POU6F2: variants seen among roughly 807,000 people sequenced by gnomAD.
POU6F2 encodes the protein POU class 6 homeobox 2, also known as POU domain, class 6, transcription factor 2.
A neutral mutation model predicts 71.3 loss-of-function variants in POU6F2; 31 were observed. The observed-to-expected ratio is 0.43, with a 90% CI of 0.33 to 0.59. The LOEUF is 0.59. Ranked by LOEUF, POU6F2 falls within the 20% of genes least tolerant of loss-of-function variation. POU6F2 has a pLI of 0.04. For synonymous variants in POU6F2, 347 were observed against 355.7 expected (o/e 0.98, Z 0.27); for missense variants, 783 against 856.8 (o/e 0.91, Z 1.07).
intron 1 of POU6F2, among the ~76,000 whole-genome samples, chr7:39,017,469 C>A (rs945304227): frequency 1.3e-5 from 2 of 152,206 alleles, no homozygotes; most frequent in South Asian, 4.2e-4. Flanking sequence ...TGCCCATGAC[C>A]TATTGTCAAC....
At chr7:39,315,187 G>T (rs1017761183) in intron 4 of POU6F2, among the ~76,000 whole-genome samples, 41 of 152,312 alleles carry the variant, frequency 2.7e-4, no homozygotes, top group Non-Finnish European at 3.8e-4. Context: ...AGAAAGCCTT[G>T]CTACTCTAAT....
chr7:39,074,954 G>A (rs771711732), intron 1 of POU6F2, among the ~76,000 whole-genome samples: 17 of 152,046 alleles, frequency 1.1e-4, no homozygotes, highest in Admixed American at 4.6e-4. Flanking sequence ...TTTTCCTCTC[G>A]GGAAAATGAA....
chr7:39,279,175 C>A (rs1784515309), intron 4 of POU6F2, among the ~76,000 whole-genome samples: 1 of 152,130 alleles, frequency 6.6e-6, no homozygotes, highest in Non-Finnish European at 1.5e-5. Flanking sequence ...ACTCCAGTCA[C>A]TCAGAACTTC....
intron 2 of POU6F2, among the ~76,000 whole-genome samples, chr7:39,094,201 G>A (rs771500731): frequency 1.3e-5 from 2 of 152,160 alleles, no homozygotes; most frequent in East Asian, 1.9e-4. Flanking sequence ...TACTGAGCAC[G>A]GGAGACAAGA....
At chr7:39,040,756 C>A (rs1405166365) in intron 1 of POU6F2, among the ~76,000 whole-genome samples, 1 of 151,852 alleles carries the variant, frequency 6.6e-6, no homozygotes, top group African/African-American at 2.4e-5. Flanking sequence ...CAATAATCTT[C>A]AATGAAACAA....
chr7:38,979,328 A>G (rs969535161), intron 1 of POU6F2, among the ~76,000 whole-genome samples: 1 of 152,230 alleles, frequency 6.6e-6, no homozygotes, highest in Non-Finnish European at 1.5e-5. Flanking sequence ...ACAAAATTAT[A>G]GAAAAGCACT....
intron 4 of POU6F2, 69 bp downstream of exon 4, chr7:39,207,689 A>C (rs1794050557): frequency 2.1e-6 from 3 of 1,409,702 alleles, no homozygotes; most frequent in Non-Finnish European, 2.9e-6. Flanking sequence ...AGTGGGCAAA[A>C]AAAAATGTGC....
In POU6F2 at chr7:39,397,392, C is replaced by G. The variant is rs146317245; in HGVS notation, c.973-9208C>G. On this transcript the variant is annotated intron_variant, in intron 5 of 9. Coordinates refer to ENST00000518318, the MANE Select transcript of POU6F2 (RefSeq NM_001370959.1). ...ATATAGAGAGACAAATATATATAGA[C>G]AAATATATATATAGACAAAAATATA... Among the ~76,000 whole-genome samples the G allele has an allele frequency of 2.8e-3, 407 of 144,240 alleles. 1 individual carries two copies. Among genetic ancestry groups the G allele is most frequent in the Non-Finnish European group, 5.1e-3 (337 of 66,286 alleles). 94.6% of individuals were successfully genotyped at this position (144,240 alleles called of 152,430 possible). A position where few individuals can be genotyped will look rare whatever the true frequency, so the allele number is the denominator to read the frequency against.
intron 1 of POU6F2, among the ~76,000 whole-genome samples, chr7:39,042,429 G>A (rs892648032): frequency 6.6e-6 from 1 of 151,966 alleles, no homozygotes; most frequent in Non-Finnish European, 1.5e-5. Context: ...TTGGGATGGT[G>A]AGACTTTCTG....
chr7:39,264,845 A>G (rs889456026), intron 4 of POU6F2, among the ~76,000 whole-genome samples: 1 of 152,160 alleles, frequency 6.6e-6, no homozygotes, highest in Non-Finnish European at 1.5e-5. Context: ...GCTAATATAT[A>G]TACTCCCTGC....
intron 2 of POU6F2, among the ~76,000 whole-genome samples, chr7:39,114,978 G>A (rs1791901038): frequency 6.6e-6 from 1 of 152,126 alleles, no homozygotes; most frequent in Admixed American, 6.6e-5. Flanking sequence ...TAGTGGTTTA[G>A]GGAGCTAAAA....
At chr7:39,394,551 C>G (rs1787135683) in intron 5 of POU6F2, among the ~76,000 whole-genome samples, 1 of 152,160 alleles carries the variant, frequency 6.6e-6, no homozygotes, top group Admixed American at 6.5e-5. Flanking sequence ...CTTCTCCCAC[C>G]TTCTTTCTCT....
At chr7:39,328,024 A>C (rs553280903) in intron 4 of POU6F2, among the ~76,000 whole-genome samples, 1 of 152,068 alleles carries the variant, frequency 6.6e-6, no homozygotes, top group Admixed American at 6.5e-5. Context: ...AGGTTCAAGC[A>C]ATTCTCCTGC....
At chr7:39,049,171 A>G (rs73120483) in intron 1 of POU6F2, among the ~76,000 whole-genome samples, 31,703 of 151,250 alleles carry the variant, frequency 0.21, 3,449 homozygotes, top group Middle Eastern at 0.31. Context: ...GTTATTTTCT[A>G]TGTTTTTTTC....
chr7:39,403,760 A>C (rs1049734238), intron 5 of POU6F2, among the ~76,000 whole-genome samples: 1 of 152,176 alleles, frequency 6.6e-6, no homozygotes, highest in African/African-American at 2.4e-5. Flanking sequence ...CCTCCCACAT[A>C]TTTTAATGCA....
chr7:39,015,598 ATC>A lies in POU6F2; in HGVS notation c.105+37542_105+37543del, dbSNP rs1343224881. 4.2e-3 allele frequency among the ~76,000 whole-genome samples: 415 copies of A among 97,774 alleles called. 1 individual carries two copies. The highest frequency in any genetic ancestry group is 5.2e-3 in the Non-Finnish European group (268 of 51,660). 64.1% of individuals were successfully genotyped at this position (97,774 alleles called of 152,430 possible). On this transcript the variant is annotated intron_variant, in intron 1 of 9. Coordinates refer to ENST00000518318, the MANE Select transcript of POU6F2 (RefSeq NM_001370959.1). ...ATATATCTATGTTTTATATAGATAT[ATC>A]TATGTTTTATATAGATCTACATTAT...
intron 2 of POU6F2, among the ~76,000 whole-genome samples, chr7:39,087,159 AATTT>A (rs35190834): frequency 0.056 from 6,985 of 125,534 alleles, 164 homozygotes; most frequent in African/African-American, 0.077. Context: ...TTAATTAATT[AATTT>A]ATTTATTTAT....
intron 1 of POU6F2, among the ~76,000 whole-genome samples, chr7:39,073,305 T>C (rs894531715): frequency 6.6e-6 from 1 of 151,042 alleles, no homozygotes; most frequent in Non-Finnish European, 1.5e-5. Flanking sequence ...ATAGTTTGAA[T>C]TGGAAACAAA....
chr7:39,045,190 C>T (rs933158194), intron 1 of POU6F2, among the ~76,000 whole-genome samples: 2 of 152,016 alleles, frequency 1.3e-5, no homozygotes, highest in African/African-American at 4.8e-5. Flanking sequence ...ATAAGCATCG[C>T]GAATTCGCAT....
Sources: allele counts gnomAD v4.1 joint callset (sites outside exome capture counted in the v4.1 genomes callset), GRCh38; gene constraint gnomAD v4.1.1; transcripts MANE v1.5; gene names NCBI Gene and HGNC (gene_info 2026-07-23, HGNC 2026-07-21).